IFT81: variants seen among roughly 807,000 people sequenced by gnomAD.
The protein encoded by IFT81 is intraflagellar transport 81, also known as intraflagellar transport protein 81 homolog.
IFT81 carries 72 observed loss-of-function variants against 102.6 expected under a neutral mutation model. The ratio of observed to expected loss-of-function variants is 0.70; its 90% CI spans 0.58 to 0.85. The LOEUF (loss-of-function observed/expected upper bound fraction) is 0.85. Among genes scored for constraint, IFT81 ranks in the 40% least tolerant of loss-of-function variants. IFT81 has a pLI of 0.00. For synonymous variants in IFT81, 237 were observed against 242.7 expected (o/e 0.98, Z 0.22); for missense variants, 723 against 787.3 (o/e 0.92, Z 0.98).
rs969279168 is a variant in IFT81 at position 110,129,060 on chromosome 12, G to A, written c.359G>A (p.Arg120His). Residue 120 changes from arginine (R) to histidine (H), a missense_variant, in exon 4 of 19, where the codon CGT becomes CAT. Transcript: ENST00000242591. ...CTGAAGAAAAGAGCATATTTAGCTC[G>A]TTTTTTAATAAAACTTGAGGTACCA... is the stretch of plus-strand genomic sequence containing the variant. ...NELKKRAYLA[R>H]FLIKLEVPSE... is the part of the protein sequence containing the mutation. 11 of 1,605,582 alleles carry A rather than the reference G, an allele frequency of 6.9e-6. No individual in the cohort carries two copies. The highest frequency in any genetic ancestry group is 5.4e-5 in the African/African-American group (4 of 74,292).
chr12:110,201,326 C>T (rs1025207884), intron 14 of IFT81, among the ~76,000 whole-genome samples: 1 of 150,748 alleles, frequency 6.6e-6, no homozygotes, highest in South Asian at 2.1e-4. Context: ...CGCTTGAACC[C>T]GGGAGGCAGA....
intron 11 of IFT81, among the ~76,000 whole-genome samples, chr12:110,174,277 C>CAAAAAA (rs61353726): frequency 1.1e-4 from 4 of 35,276 alleles, no homozygotes; most frequent in African/African-American, 2.1e-4. Context: ...GACTCCGTCT[C>CAAAAAA]AAAAAAAAAA....
At chr12:110,148,032 A>T (rs1895321198) in intron 10 of IFT81, among the ~76,000 whole-genome samples, 1 of 152,064 alleles carries the variant, frequency 6.6e-6, no homozygotes, top group South Asian at 2.1e-4. Flanking sequence ...CATTTGGCTG[A>T]TAAGTTATTT....
intron 18 of IFT81, among the ~76,000 whole-genome samples, chr12:110,215,436 C>CTCTTCT (rs869063652): frequency 1.7e-5 from 2 of 117,656 alleles, no homozygotes; most frequent in East Asian, 4.5e-4. Flanking sequence ...TCTTTTTCTT[C>CTCTTCT]TCTTCTTCTT....
chr12:110,218,414 G>T lies in IFT81; in HGVS notation c.*188G>T, dbSNP rs1870418917. 2 of 440,440 alleles carry T rather than the reference G, an allele frequency of 4.5e-6. No homozygotes were observed. Among genetic ancestry groups the T allele is most frequent in the East Asian group, 3.7e-5 (1 of 27,072 alleles). The allele number at this position is 440,440 out of a possible 1,614,324, so 27.3% of individuals were successfully genotyped here. A position where few individuals can be genotyped will look rare whatever the true frequency, so the allele number is the denominator to read the frequency against. On this transcript the variant is annotated 3_prime_UTR_variant, in exon 19 of 19. Transcript: ENST00000242591. The stretch of plus-strand genomic sequence containing the variant: ...GAATGTTTTTTCATATGAAAAAGAG[G>T]CTTTTATTCTTTTCCATAGTTTAGA...
At chr12:110,165,818 C>G (rs2137453088) in intron 11 of IFT81, among the ~76,000 whole-genome samples, 1 of 152,296 alleles carries the variant, frequency 6.6e-6, no homozygotes, top group East Asian at 1.9e-4. Flanking sequence ...GGGCTGATTG[C>G]TCTTTATTAT....
chr12:110,149,017 TA>T (rs1895377810), intron 10 of IFT81, among the ~76,000 whole-genome samples: 1 of 152,222 alleles, frequency 6.6e-6, no homozygotes, highest in Non-Finnish European at 1.5e-5. Flanking sequence ...TTTTAAACAG[TA>T]TCCTTAATGA....
At chr12:110,156,289 AT>A (rs1275290487) in intron 10 of IFT81, among the ~76,000 whole-genome samples, 1 of 152,188 alleles carries the variant, frequency 6.6e-6, no homozygotes, top group Non-Finnish European at 1.5e-5. Context: ...CACTAATACT[AT>A]CTTTCATAAT....
intron 11 of IFT81, chr12:110,167,860 TTTTTC>T: frequency 1.0e-5 from 3 of 297,014 alleles, no homozygotes; most frequent in Middle Eastern, 1.3e-3. Context: ...TTTTTTTTTT[TTTTTC>T]CCCAGAGACA....
intron 18 of IFT81, among the ~76,000 whole-genome samples, chr12:110,215,188 G>T (rs1159073694): frequency 6.6e-6 from 1 of 151,854 alleles, no homozygotes; most frequent in African/African-American, 2.4e-5. Flanking sequence ...TTGTGTCTCA[G>T]ATCAACTAGT....
rs1215943092 is a variant in IFT81, at chr12:110,192,665, T to G, written c.1516T>G (p.Ser506Ala). 6.3e-7 allele frequency: 1 copy of G among 1,593,402 alleles called. No homozygotes were observed. The highest frequency in any genetic ancestry group is 1.8e-5 in the Admixed American group (1 of 56,424). The change falls in exon 14 of 19, where the codon TCA becomes GCA. Residue 506 changes from serine to alanine, a missense_variant. Transcript: ENST00000242591. ...LVSEKKSALA[S>A]VIKELRQLRQ... The stretch of plus-strand genomic sequence containing the variant: ...ATCTGAAAAGAAGTCAGCTCTTGCC[T>G]CAGTTATAAAAGAGCTACGACAGTT...
intron 10 of IFT81, among the ~76,000 whole-genome samples, chr12:110,149,855 AGGGTCCCGG>A (rs1895423263): frequency 6.6e-6 from 1 of 151,998 alleles, no homozygotes; most frequent in Non-Finnish European, 1.5e-5. Flanking sequence ...TCTGCCTGCT[AGGGTCCCGG>A]GGGTTTTTAT....
chr12:110,127,418 A>T lies in IFT81; in HGVS notation c.38A>T (p.Asn13Ile). The change falls in exon 2 of 19, where the codon AAT (asparagine) becomes ATT (isoleucine). Residue 13 changes from asparagine (N) to isoleucine (I), a missense_variant. Transcript: ENST00000242591. ...ATTAAATTCATTATGGACAGTCTCA[A>T]TAAGGAGCCCTTTAGGAAGAACTAT... is the stretch of plus-strand genomic sequence containing the variant. Reference protein sequence around the residue: ...DQIKFIMDSLNKEPFRKNYNL... With the variant: ...DQIKFIMDSLIKEPFRKNYNL... 6.2e-7 allele frequency: 1 copy of T among 1,605,162 alleles called. No individual in the cohort carries two copies. Among genetic ancestry groups the T allele is most frequent in the Non-Finnish European group, 8.5e-7 (1 of 1,176,114 alleles).
chr12:110,139,903 T>TAAAATAAAATAAAAA (rs1179529717), intron 8 of IFT81, among the ~76,000 whole-genome samples: 4 of 136,238 alleles, frequency 2.9e-5, no homozygotes, highest in South Asian at 2.3e-4. Flanking sequence ...TAAAATAAAA[T>TAAAATAAAATAAAAA]AAAAAATAAA....
In IFT81 at chr12:110,124,516, T is replaced by G. The variant is rs1893709896; in HGVS notation, c.-367T>G. The G allele has an allele frequency of 6.6e-6, 1 of 152,194 alleles. No homozygotes were observed. The highest frequency in any genetic ancestry group is 1.5e-5 in the Non-Finnish European group (1 of 68,064). The allele number at this position is 152,194 out of a possible 1,614,324, so 9.4% of individuals were successfully genotyped here. On this transcript the variant is annotated 5_prime_UTR_variant, in exon 1 of 19. Coordinates refer to ENST00000242591, the MANE Select transcript of IFT81 (RefSeq NM_014055.4). ...GGAGAGAGCTCCCGTCCTCTCTCGGTCCTGATGCAGCACCTCGCAAGTGGA... is the reference window on the plus strand; with the variant it reads ...GGAGAGAGCTCCCGTCCTCTCTCGGGCCTGATGCAGCACCTCGCAAGTGGA...
intron 11 of IFT81, among the ~76,000 whole-genome samples, chr12:110,174,305 AAATT>A (rs1896943357): frequency 7.0e-6 from 1 of 143,598 alleles, no homozygotes; most frequent in Non-Finnish European, 1.5e-5. Context: ...AAAAAAAAAA[AAATT>A]AGCCGGGTGT....
rs770138778 is a variant in IFT81 at position 110,203,869 on chromosome 12, G to C, written c.1563G>C (p.Leu521=). Residue 521 remains leucine, a synonymous_variant, in exon 15 of 19, where the codon CTG becomes CTC. Coordinates refer to ENST00000242591, the MANE Select transcript of IFT81 (RefSeq NM_014055.4). ...ATTTTCCCTTTTTATACTAGGAACT[G>C]ACCCAGGAGTGTGATGAAAAGAAAT... ...LRQLRQKYQE[L]TQECDEKKSQ... The C allele has an allele frequency of 1.4e-5, 22 of 1,610,432 alleles. No homozygotes were observed. Among genetic ancestry groups the C allele is most frequent in the Non-Finnish European group, 1.9e-5 (22 of 1,176,856 alleles).
intron 10 of IFT81, among the ~76,000 whole-genome samples, chr12:110,156,987 T>C (rs1338133742): frequency 6.6e-6 from 1 of 152,184 alleles, no homozygotes; most frequent in Non-Finnish European, 1.5e-5. Context: ...CAGAATGTTC[T>C]CTTTGCCTTT....
intron 11 of IFT81, 37 bp downstream of exon 11, chr12:110,163,102 A>G: frequency 3.8e-6 from 6 of 1,564,576 alleles, no homozygotes; most frequent in African/African-American, 1.4e-5. Context: ...GGGTATGAGT[A>G]TTGTTTTTAT....
Sources: gnomAD v4.1 joint callset for allele counts (sites outside exome capture counted in the v4.1 genomes callset) on GRCh38, gnomAD v4.1.1 for gene constraint, MANE v1.5 for transcripts, NCBI Gene and HGNC (gene_info 2026-07-23, HGNC 2026-07-21) for gene names.